TRIM2: variants seen among roughly 807,000 people sequenced by gnomAD.
The protein encoded by TRIM2 is tripartite motif-containing protein 2.
A neutral mutation model predicts 75.2 loss-of-function variants in TRIM2; 20 were observed. The observed-to-expected ratio is 0.27, with a 90% CI of 0.19 to 0.39. The LOEUF (loss-of-function observed/expected upper bound fraction) is 0.39, where lower values mean the gene tolerates loss of function less well. Among genes scored for constraint, TRIM2 ranks in the 10% least tolerant of loss-of-function variants. The probability of loss-of-function intolerance (pLI) is 1.00; values close to 1 mark genes in which losing one functional copy is unlikely to be tolerated. For synonymous variants in TRIM2, 373 were observed against 388.3 expected (o/e 0.96, Z 0.46); for missense variants, 660 against 990.8 (o/e 0.67, Z 4.48).
chr4:153,264,769 TC>T (rs1235167454), intron 1 of TRIM2, among the ~76,000 whole-genome samples: 2 of 152,208 alleles, frequency 1.3e-5, no homozygotes, highest in Non-Finnish European at 2.9e-5. Flanking sequence ...TTAGGAGTAG[TC>T]AAATGTTCTT....
At position 153,247,552 on chromosome 4, in the gene TRIM2, C is replaced by T. The variant is rs1471603891; in HGVS notation, c.31-22783C>T. Among the ~76,000 whole-genome samples, 5 of 151,998 alleles carry T rather than the reference C, an allele frequency of 3.3e-5. No individual in the cohort carries two copies. In the South Asian group the frequency reaches 6.2e-4, roughly 19 times the overall value. ...AATTAGCTGGACATGGTGGCACATG[C>T]CTGTAATCCCAGCTACTCAGGAGGC... On this transcript the variant is annotated intron_variant, in intron 1 of 11. Coordinates refer to ENST00000338700, the MANE Select transcript of TRIM2 (RefSeq NM_015271.5).
intron 1 of TRIM2, among the ~76,000 whole-genome samples, chr4:153,171,722 A>C (rs572068314): frequency 1.1e-4 from 16 of 152,144 alleles, no homozygotes; most frequent in Admixed American, 2.0e-4. Context: ...AAAATTACAC[A>C]AAAGTAGAAA....
At chr4:153,307,973 C>G (rs980858869) in intron 6 of TRIM2, 3 of 757,964 alleles carry the variant, frequency 4.0e-6, no homozygotes, top group African/African-American at 3.4e-5. Flanking sequence ...GGGGCTTGTT[C>G]TGAATACACT....
At chr4:153,171,813 G>C (rs1401161929) in intron 1 of TRIM2, among the ~76,000 whole-genome samples, 1 of 140,076 alleles carries the variant, frequency 7.1e-6, no homozygotes, top group African/African-American at 2.7e-5. Context: ...CCGCATCCCA[G>C]CTTTTTGCCA....
intron 1 of TRIM2, chr4:153,257,459 A>G (rs1426516803): frequency 1.6e-6 from 2 of 1,244,484 alleles, no homozygotes; most frequent in African/African-American, 1.6e-5. Flanking sequence ...GGGGTCTTCC[A>G]CTTGTTAATG....
chr4:153,286,981 C>T (rs1428249267), intron 3 of TRIM2, among the ~76,000 whole-genome samples: 3 of 149,384 alleles, frequency 2.0e-5, no homozygotes, highest in African/African-American at 4.9e-5. Flanking sequence ...TTTCCTTTTT[C>T]TCTCTCTCTT....
At chr4:153,244,403 TTCTTCTTCTTCTTCTTCTTCTTCTTC>T (rs1748297456) in intron 1 of TRIM2, among the ~76,000 whole-genome samples, 1 of 88,308 alleles carries the variant, frequency 1.1e-5, no homozygotes, top group Non-Finnish European at 2.1e-5. Flanking sequence ...CTTCTTCTTC[TTCTTCTTCTTCTTCTTCTTCTTCTTC>T]TTCTTCTTTT....
At chr4:153,276,811 G>A (rs1758135057) in intron 3 of TRIM2, among the ~76,000 whole-genome samples, 1 of 152,088 alleles carries the variant, frequency 6.6e-6, no homozygotes, top group Admixed American at 6.6e-5. Context: ...GCTTTGGTAA[G>A]TTTATTAAAC....
In TRIM2 at chr4:153,258,306, T is replaced by G. The variant is rs553747305; in HGVS notation, c.31-12029T>G. On this transcript the variant is annotated intron_variant, in intron 1 of 11. Coordinates refer to ENST00000338700, the MANE Select transcript of TRIM2 (RefSeq NM_015271.5). ...CAGCAAACAAACATGTAGGAGATAA[T>G]TTGCTTTTTTTCTGACAATTTTTTT... Among the ~76,000 whole-genome samples, 7 of 152,220 alleles carry G rather than the reference T, an allele frequency of 4.6e-5. No homozygotes were observed. The East Asian group carries it at 1.2e-3, about 25-fold the overall frequency.
chr4:153,244,383 TC>T (rs1560874761), intron 1 of TRIM2, among the ~76,000 whole-genome samples: 12 of 70,586 alleles, frequency 1.7e-4, no homozygotes, highest in African/African-American at 7.7e-4. Flanking sequence ...TTCTTCTTCT[TC>T]TTCTTCTTCT....
At position 153,338,592 on chromosome 4, in the gene TRIM2, C is replaced by T. The variant is rs545088294; in HGVS notation, c.*3626C>T. Reference sequence around the variant, plus strand: ...GTATTGCCATAAAGGAAACTAAGTGCCCATCAAAGATTTGTTTGGTATAAA... The same window carrying T: ...GTATTGCCATAAAGGAAACTAAGTGTCCATCAAAGATTTGTTTGGTATAAA... On this transcript the variant is annotated 3_prime_UTR_variant, in exon 12 of 12. Coordinates refer to ENST00000338700, the MANE Select transcript of TRIM2 (RefSeq NM_015271.5). 4.1e-6 allele frequency: 4 copies of T among 984,430 alleles called. No homozygotes were observed. The African/African-American group carries it at 7.0e-5, about 17-fold the overall frequency. 61.0% of individuals were successfully genotyped at this position (984,430 alleles called of 1,614,324 possible). A position where few individuals can be genotyped will look rare whatever the true frequency, so the allele number is the denominator to read the frequency against.
intron 1 of TRIM2, among the ~76,000 whole-genome samples, chr4:153,260,700 CCACACACA>C (rs1185919053): frequency 1.1e-3 from 74 of 67,526 alleles, no homozygotes; most frequent in South Asian, 3.5e-3. Context: ...ACCCCCCCCC[CCACACACA>C]CACACACACA....
chr4:153,328,635 A>G lies in TRIM2; in HGVS notation c.2128A>G (p.Ile710Val). Residue 710 changes from isoleucine to valine, a missense_variant, in exon 11 of 12, where the codon ATC becomes GTC. Ile to Val is a conservative substitution (Grantham distance 29, BLOSUM62 3). Coordinates refer to ENST00000338700, the MANE Select transcript of TRIM2 (RefSeq NM_015271.5). ...TGVAVDSNGN[I>V]IVADWGNSRI... ...TGTAGCAGTGGATTCAAATGGAAAC[A>G]TCATTGTGGCCGACTGGGGAAACAG... The G allele has an allele frequency of 6.2e-7, 1 of 1,612,496 alleles. No homozygotes were observed. The highest frequency in any genetic ancestry group is 8.5e-7 in the Non-Finnish European group (1 of 1,179,344).
chr4:153,299,686 CT>C (rs1466346379), intron 6 of TRIM2, among the ~76,000 whole-genome samples: 5 of 152,238 alleles, frequency 3.3e-5, no homozygotes, highest in African/African-American at 1.2e-4. Flanking sequence ...ATTTGTTCCC[CT>C]GGTCACCTGC....
intron 3 of TRIM2, among the ~76,000 whole-genome samples, chr4:153,278,658 G>T (rs1758550741): frequency 6.6e-6 from 1 of 152,120 alleles, no homozygotes; most frequent in South Asian, 2.1e-4. Flanking sequence ...AATCAGCTGG[G>T]CATGATGGGG....
At chr4:153,216,481 T>C (rs1370685715) in intron 1 of TRIM2, among the ~76,000 whole-genome samples, 5 of 152,198 alleles carry the variant, frequency 3.3e-5, no homozygotes, top group African/African-American at 1.2e-4. Flanking sequence ...GTTCCTCTCC[T>C]GCAGAGGGTT....
intron 6 of TRIM2, among the ~76,000 whole-genome samples, chr4:153,298,230 G>C (rs1341726416): frequency 6.6e-6 from 1 of 152,168 alleles, no homozygotes; most frequent in Non-Finnish European, 1.5e-5. Flanking sequence ...TATCAATGAA[G>C]TAAAGATGCT....
rs2149583773 is a variant in TRIM2, at chr4:153,328,649, C to T, written c.2142C>T (p.Asp714=). The T allele has an allele frequency of 6.2e-7, 1 of 1,612,130 alleles. No homozygotes were observed. Among genetic ancestry groups the T allele is most frequent in the Non-Finnish European group, 8.5e-7 (1 of 1,179,210 alleles). The change falls in exon 11 of 12, where the codon GAC becomes GAT. Residue 714 remains aspartate (D), a synonymous_variant. Transcript: ENST00000338700. The stretch of plus-strand genomic sequence containing the variant: ...CAAATGGAAACATCATTGTGGCCGA[C>T]TGGGGAAACAGCAGGATCCAGGTAG... The part of the protein sequence containing the change: ...VDSNGNIIVA[D]WGNSRIQVFD...
intron 1 of TRIM2, among the ~76,000 whole-genome samples, chr4:153,267,763 C>T (rs1755639628): frequency 6.7e-6 from 1 of 150,062 alleles, no homozygotes; most frequent in Non-Finnish European, 1.5e-5. Flanking sequence ...CTCTCTCTTT[C>T]TTTTCCTTCT....
Sources: gnomAD v4.1 joint callset for allele counts (sites outside exome capture counted in the v4.1 genomes callset) on GRCh38, gnomAD v4.1.1 for gene constraint, MANE v1.5 for transcripts, NCBI Gene and HGNC (gene_info 2026-07-23, HGNC 2026-07-21) for gene names.